Variants in ZNF839 observed in about 807,000 individuals in gnomAD.
ZNF839 encodes the protein zinc finger protein 839.
Under a neutral mutation model 56.4 loss-of-function variants are expected in ZNF839, and 38 were observed. The ratio of observed to expected loss-of-function variants is 0.67; its 90% CI spans 0.52 to 0.88. ZNF839 has a LOEUF of 0.88. Ranked by LOEUF, ZNF839 falls within the 40% of genes least tolerant of loss-of-function variation. The pLI, the probability that ZNF839 is intolerant of heterozygous loss-of-function variation, is 0.00. For missense variants in ZNF839, 1,091 were observed against 1,177.6 expected (o/e 0.93, Z 1.08); for synonymous variants, 486 against 493.5 (o/e 0.98, Z 0.20).
intron 1 of ZNF839, among the ~76,000 whole-genome samples, chr14:102,325,334 A>C (rs2139476382): frequency 6.9e-6 from 1 of 145,868 alleles, no homozygotes; most frequent in South Asian, 2.2e-4. Context: ...GTGAGACCCT[A>C]ATCTCAGAAA....
rs1053454449 is a variant in ZNF839 at position 102,326,398 on chromosome 14, A to G, written c.702A>G (p.Thr234=). The G allele has an allele frequency of 1.9e-6, 3 of 1,613,140 alleles. No individual in the cohort carries two copies. Among genetic ancestry groups the G allele is most frequent in the Admixed American group, 3.3e-5 (2 of 59,818 alleles). ...ATCCATTTATTTCCAACTTGCATACAAGACATACTGAGAAACTAAAAAAAT... is the reference window on the plus strand; with the variant it reads ...ATCCATTTATTTCCAACTTGCATACGAGACATACTGAGAAACTAAAAAAAT... ...SAHPFISNLH[T]RHTEKLKKSL... Residue 234 remains threonine (T), a synonymous_variant, in exon 2 of 8, where the codon ACA becomes ACG. Transcript: ENST00000442396. This position sits in a 1 kb window ranked among gnomAD's most constrained non-coding sequence, Gnocchi z 4.3.
At chr14:102,336,250 G>T (rs1291613493) in intron 5 of ZNF839, among the ~76,000 whole-genome samples, 1 of 150,126 alleles carries the variant, frequency 6.7e-6, no homozygotes, top group South Asian at 2.1e-4. Flanking sequence ...ACATTTTCCT[G>T]TTCGACCTCA....
rs757132599 is a variant in ZNF839 at position 102,326,606 on chromosome 14, T to C, written c.910T>C (p.Ser304Pro). The change falls in exon 2 of 8, where the codon TCG becomes CCG. Residue 304 changes from serine (S) to proline (P), a missense_variant. Physicochemically the swap from Ser to Pro is moderately conservative, Grantham distance 74. Coordinates refer to ENST00000442396, the MANE Select transcript of ZNF839 (RefSeq NM_018335.6). The surrounding 1 kb of genome is among the most constrained non-coding windows in gnomAD (Gnocchi z 4.3). Reference protein sequence around the residue: ...QRERHALFDLSSCSLRPKSFK... With the variant: ...QRERHALFDLPSCSLRPKSFK... ...GGAGAGGCACGCACTCTTTGACTTA[T>C]CGAGCTGCTCCCTGAGGCCCAAAAG... is the stretch of plus-strand genomic sequence containing the variant. 5.0e-5 allele frequency: 80 copies of C among 1,613,736 alleles called. No individual in the cohort carries two copies. The highest frequency in any genetic ancestry group is 6.6e-5 in the South Asian group (6 of 91,056).
rs1229814958 is a variant in ZNF839 at position 102,341,964 on chromosome 14, CAG to C, written c.2575_2576del (p.Glu859ThrfsTer14). The C allele has an allele frequency of 1.9e-6, 3 of 1,613,902 alleles. No individual in the cohort carries two copies. Among genetic ancestry groups the C allele is most frequent in the Non-Finnish European group, 2.5e-6 (3 of 1,179,892 alleles). On this transcript the variant is annotated frameshift_variant, in exon 8 of 8. Coordinates refer to ENST00000442396, the MANE Select transcript of ZNF839 (RefSeq NM_018335.6). LOFTEE classifies it low-confidence loss of function (END_TRUNC). ...CTGTGGGATGGAGGTGCACTCTGGCCAGAGAGAACTGGAGAGCGTGGTTGCTG... is the reference window on the plus strand; with the variant it reads ...CTGTGGGATGGAGGTGCACTCTGGCCAGAGAACTGGAGAGCGTGGTTGCTG... ...FPCGMEVHSG[Q>X]RELESVVAVG...
At chr14:102,328,280 T>G (rs1448805829) in intron 2 of ZNF839, among the ~76,000 whole-genome samples, 2 of 143,234 alleles carry the variant, frequency 1.4e-5, no homozygotes, top group East Asian at 4.2e-4. Context: ...CTTGAACTTG[T>G]GAGGTGGAGG....
intron 1 of ZNF839, among the ~76,000 whole-genome samples, chr14:102,324,552 T>G (rs1443974383): frequency 6.6e-6 from 1 of 151,830 alleles, no homozygotes; most frequent in Non-Finnish European, 1.5e-5. Context: ...TAAAAAAAAA[T>G]TAGCTGGTCA....
At chr14:102,322,653 C>T (rs2073192331) in intron 1 of ZNF839, among the ~76,000 whole-genome samples, 1 of 152,182 alleles carries the variant, frequency 6.6e-6, no homozygotes, top group South Asian at 2.1e-4. Flanking sequence ...CAGCCTCGAA[C>T]TCCCAGGCTC....
At position 102,341,176 on chromosome 14, in the gene ZNF839, G is replaced by C. The variant is rs1886476674; in HGVS notation, c.1928-147G>C. 8 of 846,132 alleles carry C rather than the reference G, an allele frequency of 9.5e-6. No homozygotes were observed. In the South Asian group the frequency reaches 2.6e-4, roughly 27 times the overall value. 52.4% of individuals were successfully genotyped at this position (846,132 alleles called of 1,614,324 possible). ...GAATAGGGACGTATTTTTTAAAATT[G>C]CTACCAATCCCAAGGAGCAAGGAGC... On this transcript the variant is annotated intron_variant, in intron 7 of 7. Coordinates refer to ENST00000442396, the MANE Select transcript of ZNF839 (RefSeq NM_018335.6).
intron 2 of ZNF839, among the ~76,000 whole-genome samples, chr14:102,329,441 G>A (rs2139515648): frequency 6.6e-6 from 1 of 151,178 alleles, no homozygotes; most frequent in East Asian, 2.0e-4. Context: ...CTGGAGTGCA[G>A]TGGTGTGATC....
In ZNF839 at chr14:102,326,294, G is replaced by A. The variant is rs7158139; in HGVS notation, c.598G>A (p.Asp200Asn). ...AKRVPAPKAP[D>N]EQGSMLTPLS... The stretch of plus-strand genomic sequence containing the variant: ...GAGAGTCCCAGCCCCCAAGGCTCCA[G>A]ATGAACAGGGCTCCATGTTGACCCC... Residue 200 changes from aspartate (D) to asparagine (N), a missense_variant, in exon 2 of 8, where the codon GAT becomes AAT. Transcript: ENST00000442396. The surrounding 1 kb of genome is among the most constrained non-coding windows in gnomAD (Gnocchi z 4.3). 352,444 of 1,612,328 alleles carry A rather than the reference G, an allele frequency of 0.22. 50,017 individuals are homozygous for A. The highest frequency in any genetic ancestry group is 0.67 in the African/African-American group (49,868 of 74,904).
In ZNF839 at chr14:102,334,621, C is replaced by T. The variant is rs2073935873; in HGVS notation, c.1484C>T (p.Thr495Ile). 6.2e-7 allele frequency: 1 copy of T among 1,612,432 alleles called. No individual in the cohort carries two copies. Among genetic ancestry groups the T allele is most frequent in the African/African-American group, 1.3e-5 (1 of 74,822 alleles). ...CTGCCTCAGCTGGCTCAGGTTGTGA[C>T]CGTGTATGAGTTTCTTCTGATGAAG... is the stretch of plus-strand genomic sequence containing the variant. ...LALPQLAQVV[T>I]VYEFLLMKVE... Residue 495 changes from threonine (T) to isoleucine (I), a missense_variant, in exon 4 of 8, where the codon ACC becomes ATC. Thr to Ile is a moderately conservative substitution (Grantham distance 89, BLOSUM62 -1). Transcript: ENST00000442396.
chr14:102,325,755 A>G lies in ZNF839; in HGVS notation c.289-230A>G, dbSNP rs141679499. Among the ~76,000 whole-genome samples the G allele has an allele frequency of 2.8e-4, 43 of 152,236 alleles. No homozygotes were observed. The East Asian group carries it at 8.3e-3, about 29-fold the overall frequency. Reference sequence around the variant, plus strand: ...AGTAATCGGCCTGCCTTGGCCTCCCAAAGTGCTGGGATTACAAGTGTGAGC... The same window carrying G: ...AGTAATCGGCCTGCCTTGGCCTCCCGAAGTGCTGGGATTACAAGTGTGAGC... On this transcript the variant is annotated intron_variant, in intron 1 of 7. Transcript: ENST00000442396.
chr14:102,331,507 C>T, intron 2 of ZNF839, 115 bp from the exon 3 acceptor site: 1 of 896,444 alleles, frequency 1.1e-6, no homozygotes, highest in Non-Finnish European at 1.7e-6. Context: ...GCCTTGGGCT[C>T]CCAAAGTGCT....
chr14:102,339,029 A>T, intron 6 of ZNF839, 65 bp from the exon 7 acceptor site: 1 of 1,613,306 alleles, frequency 6.2e-7, no homozygotes, highest in South Asian at 1.1e-5. Flanking sequence ...TGTTCACACC[A>T]GGAAGAGGAG....
chr14:102,326,232 A>G lies in ZNF839; in HGVS notation c.536A>G (p.Gln179Arg). Residue 179 changes from glutamine to arginine, a missense_variant, in exon 2 of 8, where the codon CAG (glutamine) becomes CGG (arginine). Coordinates refer to ENST00000442396, the MANE Select transcript of ZNF839 (RefSeq NM_018335.6). This position sits in a 1 kb window ranked among gnomAD's most constrained non-coding sequence, Gnocchi z 4.3. ...CAACCTCCTGCTCAGGGGTTTGTAC[A>G]GAGACCACTGCCAGCCCTCCAGGTG... ...LCQPPAQGFV[Q>R]RPLPALQVVP... The G allele has an allele frequency of 1.9e-6, 3 of 1,613,934 alleles. No individual in the cohort carries two copies. The highest frequency in any genetic ancestry group is 2.5e-6 in the Non-Finnish European group (3 of 1,179,872).
chr14:102,326,251 C>T lies in ZNF839; in HGVS notation c.555C>T (p.Leu185=). 1 of 1,613,882 alleles carries T rather than the reference C, an allele frequency of 6.2e-7. No homozygotes were observed. The highest frequency in any genetic ancestry group is 1.1e-5 in the South Asian group (1 of 91,062). The part of the protein sequence containing the change: ...QGFVQRPLPA[L]QVVPAKRVPA... ...TTGTACAGAGACCACTGCCAGCCCTCCAGGTGGTCCCTGCAAAGAGAGTCC... is the reference window on the plus strand; with the variant it reads ...TTGTACAGAGACCACTGCCAGCCCTTCAGGTGGTCCCTGCAAAGAGAGTCC... The change falls in exon 2 of 8, where the codon CTC becomes CTT. Residue 185 remains leucine, a synonymous_variant. Transcript: ENST00000442396. The surrounding 1 kb of genome is among the most constrained non-coding windows in gnomAD (Gnocchi z 4.3).
Position 102,342,078 on chromosome 14 carries a change from G to A in ZNF839, c.2683G>A (p.Asp895Asn), listed in dbSNP as rs199645167. The change falls in exon 8 of 8, where the codon GAT becomes AAT. Residue 895 changes from aspartate (D) to asparagine (N), a missense_variant. Transcript: ENST00000442396. ...GAAGCAGATTTTTATTCAGACTTCC[G>A]ATGGGCTTATCTTGTCCCCTCCAGG... ...GQKQIFIQTS[D>N]GLILSPPGTI... 322 of 1,614,004 alleles carry A rather than the reference G, an allele frequency of 2.0e-4. 1 individual carries two copies. In the African/African-American group the frequency reaches 3.7e-3, roughly 18 times the overall value.
chr14:102,331,989 T>G, intron 3 of ZNF839, 143 bp downstream of exon 3: 1 of 710,522 alleles, frequency 1.4e-6, no homozygotes, highest in Non-Finnish European at 2.3e-6. Context: ...CAGTAATATC[T>G]GAACTAATTC....
chr14:102,335,704 C>T lies in ZNF839; in HGVS notation c.1525C>T (p.Leu509=). The T allele has an allele frequency of 6.3e-7, 1 of 1,594,850 alleles. No homozygotes were observed. The highest frequency in any genetic ancestry group is 8.5e-7 in the Non-Finnish European group (1 of 1,178,132). ...FLLMKVEKDH[L]AKPFFPAIYK... The stretch of plus-strand genomic sequence containing the variant: ...CTTCACGAAGGTTGAAAAAGATCAT[C>T]TAGCAAAGCCTTTTTTCCCAGCTAT... The change falls in exon 5 of 8, where the codon CTA becomes TTA. Residue 509 remains leucine, a synonymous_variant. Transcript: ENST00000442396.
Sources: gnomAD v4.1 joint callset for allele counts (sites outside exome capture counted in the v4.1 genomes callset) on GRCh38, gnomAD v4.1.1 for gene constraint, Gnocchi (gnomAD v3.1) non-coding constraint, MANE v1.5 for transcripts, NCBI Gene and HGNC (gene_info 2026-07-23, HGNC 2026-07-21) for gene names.